Variants in SLCO4C1 observed in about 807,000 individuals in gnomAD.
The protein encoded by SLCO4C1 is organic anion transporter M1.
SLCO4C1 carries 58 observed loss-of-function variants against 72.1 expected under a neutral mutation model. That is an observed-to-expected ratio of 0.80 (90% confidence interval 0.65 to 1.00). The LOEUF is 1.00. SLCO4C1 is among the 50% of genes least tolerant of loss of function. The pLI is 0.00. For synonymous variants in SLCO4C1, 297 were observed against 312.5 expected, an observed-to-expected ratio of 0.95 and a Z score of 0.52; for missense variants, 898 against 857.9, an observed-to-expected ratio of 1.05 and a Z score of -0.58.
intron 2 of SLCO4C1, among the ~76,000 whole-genome samples, chr5:102,280,797 C>A (rs981019495): frequency 2.0e-5 from 3 of 152,052 alleles, no homozygotes; most frequent in Non-Finnish European, 4.4e-5. Flanking sequence ...TGGGGGAAAC[C>A]ACCCCCATGA....
Position 102,234,271 on chromosome 5 carries a change from G to A in SLCO4C1, c.*2587C>T, listed in dbSNP as rs1338330858. The A allele has an allele frequency of 1.3e-5, 2 of 152,376 alleles. No homozygotes were observed. The highest frequency in any genetic ancestry group is 2.4e-5 in the African/African-American group (1 of 41,382). 9.4% of individuals were successfully genotyped at this position (152,376 alleles called of 1,614,324 possible). A position where few individuals can be genotyped will look rare whatever the true frequency, so the allele number is the denominator to read the frequency against. On this transcript the variant is annotated 3_prime_UTR_variant, in exon 13 of 13. Transcript: ENST00000310954. The stretch of plus-strand genomic sequence containing the variant: ...TTAACAATCATAAATTACAAAAAAC[G>A]CACTATGAATAATTTTGTTCTAGAA...
chr5:102,278,461 C>T (rs7708243), intron 2 of SLCO4C1, among the ~76,000 whole-genome samples: 3,040 of 152,240 alleles, frequency 0.02, 105 homozygotes, highest in African/African-American at 0.07. Flanking sequence ...TATAAACTAA[C>T]TTATCAACCA....
At chr5:102,267,700 C>T (rs1483086249) in intron 3 of SLCO4C1, among the ~76,000 whole-genome samples, 1 of 151,104 alleles carries the variant, frequency 6.6e-6, no homozygotes. Flanking sequence ...TGAGGTACAT[C>T]ATTAGGTGGT....
rs530692198 is a variant in SLCO4C1, at chr5:102,252,510, T to G, written c.1470-2722A>C. 3.3e-5 allele frequency among the ~76,000 whole-genome samples: 5 copies of G among 152,146 alleles called. No homozygotes were observed. In the East Asian group the frequency reaches 5.8e-4, roughly 18 times the overall value. On this transcript the variant is annotated intron_variant, in intron 8 of 12. Coordinates refer to ENST00000310954, the MANE Select transcript of SLCO4C1 (RefSeq NM_180991.5). ...ACATTCACAAAAGCCATCACCAGAG[T>G]GTCCGCTCACAGAGCTCATAACATA...
At chr5:102,253,051 C>T (rs533329467) in intron 8 of SLCO4C1, among the ~76,000 whole-genome samples, 2 of 152,038 alleles carry the variant, frequency 1.3e-5, no homozygotes, top group African/African-American at 2.4e-5. Context: ...TATTGATATG[C>T]CTCTTTAAGA....
rs1353914878 is a variant in SLCO4C1, at chr5:102,283,467, CA to C, written c.619+7875del. Among the ~76,000 whole-genome samples the C allele has an allele frequency of 4.0e-5, 6 of 150,700 alleles. No homozygotes were observed. The East Asian group carries it at 7.8e-4, about 20-fold the overall frequency. On this transcript the variant is annotated intron_variant, in intron 2 of 12. Coordinates refer to ENST00000310954, the MANE Select transcript of SLCO4C1 (RefSeq NM_180991.5). The stretch of plus-strand genomic sequence containing the variant: ...ATGAACTAATAGCATTAAAATGAAA[CA>C]GAAAAAATATATTAAAACACACACT...
chr5:102,295,211 G>A (rs1173761224), intron 1 of SLCO4C1, among the ~76,000 whole-genome samples: 3 of 152,062 alleles, frequency 2.0e-5, no homozygotes, highest in Non-Finnish European at 4.4e-5. Flanking sequence ...AGCCCCTGAG[G>A]GTATAAATCT....
At chr5:102,285,016 C>A (rs1198599820) in intron 2 of SLCO4C1, among the ~76,000 whole-genome samples, 1 of 152,100 alleles carries the variant, frequency 6.6e-6, no homozygotes, top group Non-Finnish European at 1.5e-5. Context: ...ACCTTTCTCT[C>A]TATATCCACA....
intron 6 of SLCO4C1, 145 bp from the exon 7 acceptor site, chr5:102,258,232 T>C (rs1748874650): frequency 3.5e-6 from 2 of 568,576 alleles, no homozygotes; most frequent in Admixed American, 4.1e-5. Flanking sequence ...AATATAACTA[T>C]GGATAATTAA....
At chr5:102,266,184 T>C (rs1288654670) in intron 3 of SLCO4C1, among the ~76,000 whole-genome samples, 1 of 152,200 alleles carries the variant, frequency 6.6e-6, no homozygotes, top group Non-Finnish European at 1.5e-5. Context: ...ATTTATTTAA[T>C]AGTTCTAAGA....
chr5:102,261,461 T>TA (rs542691491), intron 5 of SLCO4C1, among the ~76,000 whole-genome samples: 374 of 131,038 alleles, frequency 2.9e-3, no homozygotes, highest in East Asian at 0.012. Flanking sequence ...TCACATACAG[T>TA]AAAAAAAAAA....
At chr5:102,255,692 T>C (rs981660037) in intron 8 of SLCO4C1, among the ~76,000 whole-genome samples, 3 of 152,192 alleles carry the variant, frequency 2.0e-5, no homozygotes, top group African/African-American at 7.2e-5. Context: ...TTGAAGGATT[T>C]TTAAACCCCA....
intron 6 of SLCO4C1, among the ~76,000 whole-genome samples, chr5:102,259,055 G>A (rs1029909236): frequency 1.8e-4 from 28 of 151,780 alleles, no homozygotes; most frequent in African/African-American, 5.6e-4. Context: ...AGTCAGAATC[G>A]CACTAACATA....
At chr5:102,282,850 G>A (rs552371750) in intron 2 of SLCO4C1, among the ~76,000 whole-genome samples, 28 of 152,042 alleles carry the variant, frequency 1.8e-4, no homozygotes, top group Non-Finnish European at 3.1e-4. Flanking sequence ...CAGTGTTAAC[G>A]GTGAATAACC....
chr5:102,254,310 TAGTATTC>T (rs1213965268), intron 8 of SLCO4C1, among the ~76,000 whole-genome samples: 1 of 152,194 alleles, frequency 6.6e-6, no homozygotes, highest in Non-Finnish European at 1.5e-5. Context: ...GTGATAGTGA[TAGTATTC>T]AGTAAGTCTA....
chr5:102,294,714 T>C (rs1235980393), intron 1 of SLCO4C1, among the ~76,000 whole-genome samples: 2 of 152,158 alleles, frequency 1.3e-5, no homozygotes, highest in African/African-American at 4.8e-5. Context: ...AACACAAATC[T>C]ACCTTCAGTA....
chr5:102,246,986 C>A (rs1748646380), intron 10 of SLCO4C1, among the ~76,000 whole-genome samples: 1 of 152,084 alleles, frequency 6.6e-6, no homozygotes, highest in Non-Finnish European at 1.5e-5. Flanking sequence ...CCAGCTCACA[C>A]CTGAAGCTTC....
intron 2 of SLCO4C1, among the ~76,000 whole-genome samples, chr5:102,274,941 G>C (rs1302842242): frequency 1.3e-5 from 2 of 152,000 alleles, no homozygotes; most frequent in East Asian, 3.9e-4. Context: ...TTCCTCTCCT[G>C]TCATCTCTGG....
intron 8 of SLCO4C1, among the ~76,000 whole-genome samples, chr5:102,255,816 A>G (rs1045441954): frequency 6.6e-5 from 10 of 152,042 alleles, no homozygotes; most frequent in African/African-American, 2.4e-4. Flanking sequence ...CTAATTGACT[A>G]TTTGTTCACT....
Sources: allele counts gnomAD v4.1 joint callset (sites outside exome capture counted in the v4.1 genomes callset), GRCh38; gene constraint gnomAD v4.1.1; transcripts MANE v1.5; gene names NCBI Gene and HGNC (gene_info 2026-07-23, HGNC 2026-07-21).